The following HIVEP1 variants were observed in gnomAD, a reference collection of about 807,000 sequenced individuals.
HIVEP1 encodes HIVEP zinc finger 1.
A neutral mutation model predicts 180.0 loss-of-function variants in HIVEP1; 36 were observed. The observed-to-expected ratio is 0.20, with a 90% CI of 0.15 to 0.26. HIVEP1 has a LOEUF of 0.26. Ranked by LOEUF, HIVEP1 falls within the 10% of genes least tolerant of loss-of-function variation. HIVEP1 has a pLI of 1.00. For synonymous variants in HIVEP1, 1,239 were observed against 1,239.0 expected (o/e 1.00, Z 0.00); for missense variants, 3,143 against 3,268.7 (o/e 0.96, Z 0.94).
At chr6:12,033,321 C>CGT (rs1561871262) in intron 2 of HIVEP1, among the ~76,000 whole-genome samples, 15 of 133,520 alleles carry the variant, frequency 1.1e-4, no homozygotes, top group African/African-American at 3.1e-4. Context: ...AGTAGAGGAG[C>CGT]ATGTGTGTGT....
chr6:12,157,523 G>A (rs1760129683), intron 7 of HIVEP1, among the ~76,000 whole-genome samples: 1 of 152,026 alleles, frequency 6.6e-6, no homozygotes, highest in South Asian at 2.1e-4. Context: ...TGCTTTACAT[G>A]GAGCCTATAG....
chr6:12,120,214 CA>C lies in HIVEP1; in HGVS notation c.420del (p.Ser141LeufsTer60). ...SPKKPLFLQQ[P>X]SELRRWRSEG... ...AAGAAGCCCTTGTTTCTGCAGCAAC[CA>C]TCTGAACTGCGTAGATGGAGATCCG... On this transcript the variant is annotated frameshift_variant, in exon 4 of 9. Coordinates refer to ENST00000379388, the MANE Select transcript of HIVEP1 (RefSeq NM_002114.4). LOFTEE classifies it high-confidence loss of function. 1 of 1,614,176 alleles carries C rather than the reference CA, an allele frequency of 6.2e-7. No homozygotes were observed. The highest frequency in any genetic ancestry group is 8.5e-7 in the Non-Finnish European group (1 of 1,180,038).
intron 2 of HIVEP1, among the ~76,000 whole-genome samples, chr6:12,064,827 T>G (rs774596695): frequency 1.3e-5 from 2 of 152,216 alleles, no homozygotes; most frequent in Non-Finnish European, 2.9e-5. Context: ...GCAAAAGGAA[T>G]TTTTCAATTT....
upstream of HIVEP1, among the ~76,000 whole-genome samples, chr6:12,010,808 T>A (rs762419784): frequency 6.6e-6 from 1 of 152,152 alleles, no homozygotes; most frequent in Non-Finnish European, 1.5e-5. Context: ...GGATTTCCAC[T>A]CCTTGCTTTC....
intron 7 of HIVEP1, among the ~76,000 whole-genome samples, chr6:12,155,472 G>T (rs866031240): frequency 2.7e-5 from 4 of 146,654 alleles, no homozygotes; most frequent in African/African-American, 5.1e-5. Flanking sequence ...TCGTGTTTTC[G>T]TCATTCAGCT....
intron 2 of HIVEP1, among the ~76,000 whole-genome samples, chr6:12,042,637 C>T (rs1237677376): frequency 8.6e-5 from 13 of 151,944 alleles, no homozygotes; most frequent in Admixed American, 7.9e-4. Context: ...AATCCGTCAA[C>T]ATGTTTTCTA....
intron 2 of HIVEP1, among the ~76,000 whole-genome samples, chr6:12,085,616 C>T (rs1367541784): frequency 1.3e-5 from 2 of 152,112 alleles, no homozygotes; most frequent in Admixed American, 1.3e-4. Context: ...GCAGTAAAAA[C>T]ACAGCATTCA....
chr6:12,157,467 A>G (rs1207450473), intron 7 of HIVEP1, among the ~76,000 whole-genome samples: 2 of 152,132 alleles, frequency 1.3e-5, no homozygotes, highest in Non-Finnish European at 2.9e-5. Flanking sequence ...CTTATTATTT[A>G]TACTTTTAAA....
intron 7 of HIVEP1, among the ~76,000 whole-genome samples, chr6:12,144,510 A>G (rs951773324): frequency 7.9e-5 from 12 of 152,250 alleles, no homozygotes; most frequent in Non-Finnish European, 1.5e-4. Flanking sequence ...CAATGGCAAC[A>G]GAAGACAAAA....
the HIVEP1 span, among the ~76,000 whole-genome samples, chr6:12,195,602 G>A: frequency 1.3e-5 from 2 of 152,104 alleles, no homozygotes; most frequent in African/African-American, 2.4e-5. Flanking sequence ...GGCCTAAGAG[G>A]AATTTAAGTA....
rs372934680 is a variant in HIVEP1, at chr6:12,046,845, CTG to C, written c.40+31207_40+31208del. 1.8e-3 allele frequency among the ~76,000 whole-genome samples: 253 copies of C among 141,046 alleles called. 1 individual carries two copies. Among genetic ancestry groups the C allele is most frequent in the African/African-American group, 3.8e-3 (143 of 37,626 alleles). 92.5% of individuals were successfully genotyped at this position (141,046 alleles called of 152,430 possible). On this transcript the variant is annotated intron_variant, in intron 2 of 8. Transcript: ENST00000379388. ...TACACTTCTTCTTACTGCCACTACA[CTG>C]TGTGTGTGTGTGTGTGTGTGTGTGT...
rs59048072 is a variant in HIVEP1 at position 12,148,724 on chromosome 6, A to C, written c.6488-12715A>C. 5.8e-3 allele frequency among the ~76,000 whole-genome samples: 886 copies of C among 152,302 alleles called. 6 individuals are homozygous for C. The highest frequency in any genetic ancestry group is 0.02 in the African/African-American group (848 of 41,562). Reference sequence around the variant, plus strand: ...GGTTTTGCCAGCAGTAAGTTTCCACAACAGTTATCAAAGTCAGCCTCTTTT... The same window carrying C: ...GGTTTTGCCAGCAGTAAGTTTCCACCACAGTTATCAAAGTCAGCCTCTTTT... On this transcript the variant is annotated intron_variant, in intron 7 of 8. Coordinates refer to ENST00000379388, the MANE Select transcript of HIVEP1 (RefSeq NM_002114.4).
chr6:12,169,219 A>G (rs1760836646), downstream of HIVEP1, among the ~76,000 whole-genome samples: 1 of 152,186 alleles, frequency 6.6e-6, no homozygotes, highest in Non-Finnish European at 1.5e-5. Context: ...TTTTCAATTT[A>G]CAATAGATTC....
intron 3 of HIVEP1, among the ~76,000 whole-genome samples, chr6:12,107,069 T>C (rs75736297): frequency 0.011 from 1,643 of 152,332 alleles, 35 homozygotes; most frequent in African/African-American, 0.038. Flanking sequence ...ACTGCATACT[T>C]TGTTTTAAAA....
Position 12,124,126 on chromosome 6 carries a change from C to T in HIVEP1, c.4331C>T (p.Ser1444Phe). 6.2e-7 allele frequency: 1 copy of T among 1,614,154 alleles called. No homozygotes were observed. The highest frequency in any genetic ancestry group is 1.3e-5 in the African/African-American group (1 of 75,040). The change falls in exon 4 of 9, where the codon TCT (serine) becomes TTT (phenylalanine). Residue 1444 changes from serine to phenylalanine, a missense_variant. Physicochemically the swap from Ser to Phe is radical, Grantham distance 155 (BLOSUM62 -2). This residue lies in a region of HIVEP1 where 1,357 missense variants were observed against 1,260.5 expected (regional missense o/e 1.08). Coordinates refer to ENST00000379388, the MANE Select transcript of HIVEP1 (RefSeq NM_002114.4). ...SLNIAPDSHL[S>F]PVHPTSFQNT... Reference sequence around the variant, plus strand: ...AACATAGCCCCAGATAGTCATCTGTCTCCTGTACACCCAACATCTTTCCAA... The same window carrying T: ...AACATAGCCCCAGATAGTCATCTGTTTCCTGTACACCCAACATCTTTCCAA...
chr6:12,196,478 G>A, the HIVEP1 span, among the ~76,000 whole-genome samples: 2 of 152,186 alleles, frequency 1.3e-5, no homozygotes, highest in East Asian at 1.9e-4. Context: ...ATGCATTCAA[G>A]TTCTCCTCTG....
At chr6:12,176,512 G>A in the HIVEP1 span, among the ~76,000 whole-genome samples, 3 of 152,068 alleles carry the variant, frequency 2.0e-5, no homozygotes, top group African/African-American at 4.8e-5. Flanking sequence ...GATTACAGGC[G>A]TGAGCCACCG....
At chr6:12,111,073 G>C (rs1175103196) in intron 3 of HIVEP1, among the ~76,000 whole-genome samples, 1 of 152,200 alleles carries the variant, frequency 6.6e-6, no homozygotes, top group East Asian at 1.9e-4. Context: ...TAAGTTTACT[G>C]TGTTACATGG....
At chr6:12,088,208 G>A (rs566869584) in intron 2 of HIVEP1, among the ~76,000 whole-genome samples, 1 of 152,222 alleles carries the variant, frequency 6.6e-6, no homozygotes, top group African/African-American at 2.4e-5. Flanking sequence ...TCCATGGCCA[G>A]TGAGCAGCGG....
Sources: gnomAD v4.1 joint callset for allele counts (sites outside exome capture counted in the v4.1 genomes callset) on GRCh38, gnomAD v4.1.1 for gene constraint, gnomAD v4.1.1 regional missense constraint, MANE v1.5 for transcripts, NCBI Gene and HGNC (gene_info 2026-07-23, HGNC 2026-07-21) for gene names.